Variants in CYTH1 observed in about 807,000 individuals in gnomAD.
The protein encoded by CYTH1 is cytohesin 1, also known as cytohesin-1.
Under a neutral mutation model 61.8 loss-of-function variants are expected in CYTH1, and 18 were observed. That is an observed-to-expected ratio of 0.29 (90% confidence interval 0.20 to 0.43). The LOEUF is 0.43. Among genes scored for constraint, CYTH1 ranks in the 20% least tolerant of loss-of-function variants. CYTH1 has a pLI of 1.00. For missense variants in CYTH1, 336 were observed against 510.5 expected (o/e 0.66, Z 3.29); for synonymous variants, 174 against 184.3 (o/e 0.94, Z 0.45).
In CYTH1 at chr17:78,680,294, G is replaced by A. The variant is rs964984712; in HGVS notation, c.1014C>T (p.Ala338=). The change falls in exon 13 of 14, where the codon GCC becomes GCT. Residue 338 remains alanine, a synonymous_variant. Coordinates refer to ENST00000446868, the MANE Select transcript of CYTH1 (RefSeq NM_004762.6). ...CCCGCCCGTCAGCCTCGGTCTTGCA[G>A]GCCTTGATAACTTGGTCTTTATTGT... ...IPDNKDQVIK[A]CKTEADGRVV... 8 of 1,614,064 alleles carry A rather than the reference G, an allele frequency of 5.0e-6. No homozygotes were observed. Among genetic ancestry groups the A allele is most frequent in the Middle Eastern group, 1.6e-4 (1 of 6,084 alleles).
intron 11 of CYTH1, among the ~76,000 whole-genome samples, chr17:78,684,090 G>A (rs375446771): frequency 6.6e-6 from 1 of 152,112 alleles, no homozygotes. Context: ...CCTGGGAGTG[G>A]GGACCAGGTT....
At chr17:78,699,732 A>C (rs2092988282) in intron 7 of CYTH1, among the ~76,000 whole-genome samples, 1 of 152,106 alleles carries the variant, frequency 6.6e-6, no homozygotes, top group Admixed American at 6.5e-5. Flanking sequence ...CTTTTTTGCT[A>C]ATCTTAATAT....
intron 13 of CYTH1, chr17:78,676,769 T>A (rs1447721235): frequency 2.0e-5 from 7 of 349,942 alleles, no homozygotes; most frequent in Non-Finnish European, 3.9e-5. Context: ...CCCGAGCTCA[T>A]GCTTGTGCTA....
At chr17:78,702,396 C>G (rs2093020349) in intron 4 of CYTH1, 142 bp downstream of exon 4, 1 of 1,045,626 alleles carries the variant, frequency 9.6e-7, no homozygotes, top group South Asian at 1.5e-5. Flanking sequence ...AGTTTAGGAA[C>G]AAGGGCTTAG....
In CYTH1 at chr17:78,696,014, A is replaced by C; in HGVS notation, c.812-5T>G. 4 of 1,367,908 alleles carry C rather than the reference A, an allele frequency of 2.9e-6. No homozygotes were observed. In the South Asian group the frequency reaches 4.5e-5, roughly 16 times the overall value. 84.7% of individuals were successfully genotyped at this position (1,367,908 alleles called of 1,614,324 possible). ...AGGCTGAGGGTTACATACCTCCTGG[A>C]GTTTGGGGCAAGGAAAAGGAGAGCC... On this transcript the variant is annotated splice_region_variant and splice_polypyrimidine_tract_variant and intron_variant, in intron 9 of 13. Transcript: ENST00000446868.
intron 1 of CYTH1, among the ~76,000 whole-genome samples, chr17:78,735,221 G>A (rs1252851687): frequency 1.3e-5 from 2 of 152,126 alleles, no homozygotes; most frequent in African/African-American, 4.8e-5. Context: ...CACTCCCACT[G>A]TTGATTAGGG....
chr17:78,711,106 C>T (rs887835133), intron 1 of CYTH1, among the ~76,000 whole-genome samples: 21 of 151,580 alleles, frequency 1.4e-4, no homozygotes, highest in Admixed American at 3.9e-4. Flanking sequence ...ACTAAAAATA[C>T]AAAAAATTAG....
At chr17:78,779,277 G>A (rs548285529) in intron 1 of CYTH1, among the ~76,000 whole-genome samples, 1 of 152,050 alleles carries the variant, frequency 6.6e-6, no homozygotes, top group East Asian at 1.9e-4. Context: ...GCGCATGCCT[G>A]TAATCCCAGC....
At chr17:78,688,889 T>C (rs1291162748) in intron 11 of CYTH1, among the ~76,000 whole-genome samples, 2 of 152,286 alleles carry the variant, frequency 1.3e-5, no homozygotes, top group East Asian at 3.9e-4. Flanking sequence ...ACTCTTGGCG[T>C]TTTCTTTACA....
At position 78,675,931 on chromosome 17, in the gene CYTH1, C is replaced by T. The variant is rs753115001; in HGVS notation, c.*160G>A. On this transcript the variant is annotated 3_prime_UTR_variant, in exon 14 of 14. Coordinates refer to ENST00000446868, the MANE Select transcript of CYTH1 (RefSeq NM_004762.6). ...TCCCCAGTGATAACTGCCCACCCTT[C>T]TCCCACTTAAAAAAAATAGCAAAAG... 2.6e-6 allele frequency: 4 copies of T among 1,546,162 alleles called. No individual in the cohort carries two copies. In the South Asian group the frequency reaches 3.6e-5, roughly 14 times the overall value.
At chr17:78,697,440 A>G (rs2144246360) in intron 9 of CYTH1, among the ~76,000 whole-genome samples, 1 of 152,170 alleles carries the variant, frequency 6.6e-6, no homozygotes, top group South Asian at 2.1e-4. Context: ...AAACCCTACT[A>G]AAGTCTTTCC....
chr17:78,746,172 A>G (rs879923116), intron 1 of CYTH1, among the ~76,000 whole-genome samples: 1 of 152,168 alleles, frequency 6.6e-6, no homozygotes, highest in Non-Finnish European at 1.5e-5. Context: ...GATGGGTGCT[A>G]TGGGGAAAAG....
chr17:78,744,958 G>C (rs756472138), intron 1 of CYTH1, among the ~76,000 whole-genome samples: 54 of 151,838 alleles, frequency 3.6e-4, no homozygotes, highest in Non-Finnish European at 5.1e-4. Context: ...AAAAAAATAA[G>C]AGAGGTATGC....
At chr17:78,766,405 T>C (rs1388255143) in intron 1 of CYTH1, among the ~76,000 whole-genome samples, 4 of 152,176 alleles carry the variant, frequency 2.6e-5, no homozygotes, top group African/African-American at 7.2e-5. Flanking sequence ...CCACAAAACA[T>C]GTTCTGGCTC....
At position 78,698,500 on chromosome 17, in the gene CYTH1, C is replaced by T. The variant is rs935515667; in HGVS notation, c.700-120G>A. ...TATAGTAAGCCAAGCCTGCTAGATGCTGAGACTAGAAGATTATGACCATTT... is the reference window on the plus strand; with the variant it reads ...TATAGTAAGCCAAGCCTGCTAGATGTTGAGACTAGAAGATTATGACCATTT... On this transcript the variant is annotated intron_variant, in intron 8 of 13. Coordinates refer to ENST00000446868, the MANE Select transcript of CYTH1 (RefSeq NM_004762.6). The T allele has an allele frequency of 3.8e-6, 3 of 798,346 alleles. No homozygotes were observed. In the South Asian group the frequency reaches 4.9e-5, roughly 13 times the overall value. 49.5% of individuals were successfully genotyped at this position (798,346 alleles called of 1,614,324 possible).
intron 1 of CYTH1, among the ~76,000 whole-genome samples, chr17:78,778,320 AGGG>A (rs2093501599): frequency 1.1e-4 from 4 of 37,930 alleles, no homozygotes; most frequent in Non-Finnish European, 2.4e-4. Flanking sequence ...AAAAAAAAAA[AGGG>A]AAAAAAAATT....
rs540111544 is a variant in CYTH1 at position 78,760,997 on chromosome 17, G to A, written c.22+21205C>T. The stretch of plus-strand genomic sequence containing the variant: ...ACTACAGGCATGCACCACCACACCC[G>A]GCTAATTTTTGTATTTTTTGTAGAG... On this transcript the variant is annotated intron_variant, in intron 1 of 13. Coordinates refer to ENST00000446868, the MANE Select transcript of CYTH1 (RefSeq NM_004762.6). 3.2e-3 allele frequency among the ~76,000 whole-genome samples: 491 copies of A among 152,036 alleles called. 4 individuals carry two copies. The highest frequency in any genetic ancestry group is 0.011 in the African/African-American group (459 of 41,468).
At chr17:78,708,102 C>A in intron 3 of CYTH1, 95 bp downstream of exon 3, 1 of 1,283,522 alleles carries the variant, frequency 7.8e-7, no homozygotes, top group Non-Finnish European at 1.1e-6. Flanking sequence ...ACAAAGCTGA[C>A]TTTTTCCTTC....
At chr17:78,684,473 C>T (rs1171940466) in intron 11 of CYTH1, among the ~76,000 whole-genome samples, 1 of 152,238 alleles carries the variant, frequency 6.6e-6, no homozygotes, top group Non-Finnish European at 1.5e-5. Flanking sequence ...AATAACCACT[C>T]CCTTCCCCTG....
Sources: gnomAD v4.1 joint callset for allele counts (sites outside exome capture counted in the v4.1 genomes callset) on GRCh38, gnomAD v4.1.1 for gene constraint, MANE v1.5 for transcripts, NCBI Gene and HGNC (gene_info 2026-07-23, HGNC 2026-07-21) for gene names.